DENND1B: variants seen among roughly 807,000 people sequenced by gnomAD.
DENND1B encodes the protein DENN domain-containing protein 1B.
In DENND1B, 59 loss-of-function variants were observed where a neutral mutation model predicts 90.1. The observed-to-expected ratio is 0.65, with a 90% confidence interval of 0.53 to 0.81. The LOEUF is 0.81. Ranked by LOEUF, DENND1B falls within the 40% of genes least tolerant of loss-of-function variation. DENND1B has a pLI of 0.00. For missense variants in DENND1B, 862 were observed against 912.6 expected, an observed-to-expected ratio of 0.94 and a Z score of 0.71; for synonymous variants, 337 against 324.6, an observed-to-expected ratio of 1.04 and a Z score of -0.41.
intron 15 of DENND1B, among the ~76,000 whole-genome samples, chr1:197,575,332 G>C (rs1673572376): frequency 6.6e-6 from 1 of 151,964 alleles, no homozygotes; most frequent in Non-Finnish European, 1.5e-5. Context: ...TATGAAAAAA[G>C]GGTCATCATC....
At chr1:197,764,159 C>T (rs1436401152) in intron 2 of DENND1B, among the ~76,000 whole-genome samples, 1 of 152,120 alleles carries the variant, frequency 6.6e-6, no homozygotes, top group African/African-American at 2.4e-5. Flanking sequence ...GCTCTAGTAC[C>T]ATAGAGACAA....
intron 20 of DENND1B, among the ~76,000 whole-genome samples, 158 bp downstream of exon 20, chr1:197,539,806 T>C (rs1460275976): frequency 2.0e-5 from 3 of 152,186 alleles, no homozygotes; most frequent in Admixed American, 2.0e-4. Context: ...TCAATCCCCT[T>C]GTAGCCTTCC....
At chr1:197,724,843 G>T (rs973944496) in intron 2 of DENND1B, among the ~76,000 whole-genome samples, 1 of 151,858 alleles carries the variant, frequency 6.6e-6, no homozygotes, top group Non-Finnish European at 1.5e-5. Flanking sequence ...TCAATGAATA[G>T]AACAGCATAT....
chr1:197,721,610 TATGC>T (rs1441588748), intron 2 of DENND1B, among the ~76,000 whole-genome samples: 5 of 152,114 alleles, frequency 3.3e-5, no homozygotes, highest in Non-Finnish European at 5.9e-5. Flanking sequence ...GAAGAACCAG[TATGC>T]ATGACATTTT....
chr1:197,760,627 G>C, intron 2 of DENND1B, among the ~76,000 whole-genome samples: 1 of 146,554 alleles, frequency 6.8e-6, no homozygotes, highest in Non-Finnish European at 1.5e-5. Context: ...GGGCAACAGA[G>C]TGAGACCTTG....
intron 10 of DENND1B, among the ~76,000 whole-genome samples, chr1:197,622,877 AT>A (rs1201327290): frequency 6.6e-6 from 1 of 151,464 alleles, no homozygotes; most frequent in Non-Finnish European, 1.5e-5. Context: ...GTTTTAAGCA[AT>A]TAAATAGGCA....
intron 15 of DENND1B, among the ~76,000 whole-genome samples, chr1:197,556,624 G>A (rs1379866927): frequency 6.6e-6 from 1 of 151,966 alleles, no homozygotes; most frequent in East Asian, 1.9e-4. Flanking sequence ...ATGGAGTGTG[G>A]AGTATCAAAG....
intron 2 of DENND1B, among the ~76,000 whole-genome samples, chr1:197,770,060 G>A (rs1656217708): frequency 6.6e-6 from 1 of 151,928 alleles, no homozygotes; most frequent in East Asian, 1.9e-4. Flanking sequence ...GTTATTACTT[G>A]TTAGATCCTA....
At chr1:197,675,829 A>C (rs1230574293) in intron 3 of DENND1B, among the ~76,000 whole-genome samples, 1 of 152,098 alleles carries the variant, frequency 6.6e-6, no homozygotes, top group Non-Finnish European at 1.5e-5. Flanking sequence ...CCCTCTAAAT[A>C]CACAAATTAG....
intron 1 of DENND1B, among the ~76,000 whole-genome samples, chr1:197,773,866 T>C (rs535632019): frequency 5.3e-5 from 8 of 152,344 alleles, no homozygotes; most frequent in African/African-American, 1.9e-4. Flanking sequence ...CAGTTATTCC[T>C]GCTAACAAGA....
chr1:197,699,208 C>T (rs2102143281), intron 3 of DENND1B, among the ~76,000 whole-genome samples: 1 of 152,036 alleles, frequency 6.6e-6, no homozygotes, highest in East Asian at 1.9e-4. Context: ...ATAAAACATC[C>T]ACCATGATCA....
At chr1:197,682,177 G>C (rs1371497735) in intron 3 of DENND1B, among the ~76,000 whole-genome samples, 5 of 151,740 alleles carry the variant, frequency 3.3e-5, no homozygotes, top group Admixed American at 2.6e-4. Context: ...CCTTTAGCTA[G>C]TTCTTATATT....
At chr1:197,659,447 T>G (rs1654186140) in intron 5 of DENND1B, among the ~76,000 whole-genome samples, 2 of 151,962 alleles carry the variant, frequency 1.3e-5, no homozygotes, top group Non-Finnish European at 2.9e-5. Flanking sequence ...AAAATGATAA[T>G]TACAAATACT....
At chr1:197,577,824 T>C (rs532338137) in intron 15 of DENND1B, among the ~76,000 whole-genome samples, 2 of 152,292 alleles carry the variant, frequency 1.3e-5, no homozygotes, top group South Asian at 4.1e-4. Context: ...TTTCAAAGTA[T>C]CATGGAATGT....
chr1:197,715,164 G>T, intron 2 of DENND1B, 90 bp from the exon 3 acceptor site: 10 of 1,015,804 alleles, frequency 9.8e-6, no homozygotes, highest in Non-Finnish European at 1.4e-5. Context: ...AATTGTCAAA[G>T]CTACTTTAAT....
intron 15 of DENND1B, among the ~76,000 whole-genome samples, chr1:197,558,203 A>G (rs1372256828): frequency 6.6e-6 from 1 of 151,788 alleles, no homozygotes; most frequent in East Asian, 1.9e-4. Flanking sequence ...ATTCCAAAAG[A>G]AAAAAATTAA....
intron 10 of DENND1B, among the ~76,000 whole-genome samples, chr1:197,619,155 G>A (rs1473588975): frequency 6.6e-6 from 1 of 151,184 alleles, no homozygotes; most frequent in Admixed American, 6.6e-5. Flanking sequence ...AGCTTTAATA[G>A]GTTATGATAG....
chr1:197,652,638 A>T (rs1653363111), intron 6 of DENND1B, among the ~76,000 whole-genome samples: 1 of 152,132 alleles, frequency 6.6e-6, no homozygotes, highest in Admixed American at 6.5e-5. Flanking sequence ...TAAGAACTGG[A>T]TTGAATAAAA....
chr1:197,607,418 TACA>T (rs1204554654), intron 12 of DENND1B, among the ~76,000 whole-genome samples: 3 of 150,878 alleles, frequency 2.0e-5, no homozygotes, highest in African/African-American at 7.3e-5. Flanking sequence ...TAAACATAAC[TACA>T]ACAAAAATTC....
Sources: allele counts gnomAD v4.1 joint callset (sites outside exome capture counted in the v4.1 genomes callset), GRCh38; gene constraint gnomAD v4.1.1; transcripts MANE v1.5; gene names NCBI Gene and HGNC (gene_info 2026-07-23, HGNC 2026-07-21).